The following WNT11 variants were observed in gnomAD, a reference collection of about 807,000 sequenced individuals.
The protein encoded by WNT11 is Wnt family member 11.
WNT11 carries 20 observed loss-of-function variants against 35.6 expected under a neutral mutation model. That is an observed-to-expected ratio of 0.56 (90% CI 0.40 to 0.82). WNT11 has a LOEUF of 0.82. WNT11 is among the 40% of genes least tolerant of loss of function. The pLI, the probability that WNT11 is intolerant of heterozygous loss-of-function variation, is 0.00. For missense variants in WNT11, 459 were observed against 504.4 expected, an observed-to-expected ratio of 0.91 and a Z score of 0.86; for synonymous variants, 200 against 211.9, an observed-to-expected ratio of 0.94 and a Z score of 0.49.
At chr11:76,207,732 C>T (rs921028770), upstream of WNT11, among the ~76,000 whole-genome samples, 4 of 152,070 alleles carry the variant, frequency 2.6e-5, no homozygotes, top group African/African-American at 7.2e-5. Flanking sequence ...GCGGGGCTGG[C>T]GCGGTGTTGC....
intron 1 of WNT11, among the ~76,000 whole-genome samples, chr11:76,197,157 C>G (rs1042081899): frequency 2.6e-5 from 4 of 152,238 alleles, no homozygotes; most frequent in Non-Finnish European, 5.9e-5. Flanking sequence ...CTTATGATCA[C>G]AATAATTATA....
intron 1 of WNT11, among the ~76,000 whole-genome samples, chr11:76,203,994 T>C (rs1953428958): frequency 6.6e-6 from 1 of 152,198 alleles, no homozygotes; most frequent in Non-Finnish European, 1.5e-5. Context: ...TGCCCCAGTC[T>C]CTGTTTCCTC....
intron 1 of WNT11, among the ~76,000 whole-genome samples, chr11:76,205,812 T>C (rs1953463239): frequency 6.6e-6 from 1 of 152,206 alleles, no homozygotes; most frequent in African/African-American, 2.4e-5. Context: ...GAGCCTCTTC[T>C]CATCTGATTT....
chr11:76,195,371 G>A (rs1277401555), intron 2 of WNT11, among the ~76,000 whole-genome samples: 3 of 152,204 alleles, frequency 2.0e-5, no homozygotes, highest in African/African-American at 7.2e-5. Context: ...ATAAGAAAGG[G>A]GAATTTCGGA....
chr11:76,193,772 T>A (rs897640100), intron 3 of WNT11, among the ~76,000 whole-genome samples: 1 of 152,170 alleles, frequency 6.6e-6, no homozygotes, highest in African/African-American at 2.4e-5. Flanking sequence ...GGCTAAAGGG[T>A]GCAGGGAGGA....
rs577154993 is a variant in WNT11, at chr11:76,195,152, C to A, written c.320-308G>T. 8.6e-5 allele frequency: 34 copies of A among 395,816 alleles called. No individual in the cohort carries two copies. In the South Asian group the frequency reaches 2.7e-3, roughly 31 times the overall value. The allele number at this position is 395,816 out of a possible 1,614,324, so 24.5% of individuals were successfully genotyped here. A position where few individuals can be genotyped will look rare whatever the true frequency, so the allele number is the denominator to read the frequency against. On this transcript the variant is annotated intron_variant, in intron 2 of 4. Coordinates refer to ENST00000322563, the MANE Select transcript of WNT11 (RefSeq NM_004626.3). Reference sequence around the variant, plus strand: ...TAGGGGATGCTTTACAGTAGTGAGGCCCAGGCTCTGAGCTCCTGATGCGCC... The same window carrying A: ...TAGGGGATGCTTTACAGTAGTGAGGACCAGGCTCTGAGCTCCTGATGCGCC...
upstream of WNT11, among the ~76,000 whole-genome samples, chr11:76,208,985 G>C (rs1219334723): frequency 7.2e-5 from 11 of 152,226 alleles, no homozygotes; most frequent in Admixed American, 4.6e-4. Context: ...CGGGGCTCGA[G>C]GAGGGGGGAA....
At position 76,191,792 on chromosome 11, in the gene WNT11, C is replaced by T. The variant is rs753904761; in HGVS notation, c.662G>A (p.Arg221His). 3.7e-6 allele frequency: 6 copies of T among 1,611,462 alleles called. No individual in the cohort carries two copies. In the Admixed American group the frequency reaches 6.7e-5, roughly 18 times the overall value. Residue 221 changes from arginine to histidine, a missense_variant, in exon 4 of 5, where the codon CGC becomes CAC. By Grantham distance (29) the Arg-to-His change is conservative (BLOSUM62 0). Coordinates refer to ENST00000322563, the MANE Select transcript of WNT11 (RefSeq NM_004626.3). Reference protein sequence around the residue: ...CHGVSGSCSIRTCWKGLQELQ... With the variant: ...CHGVSGSCSIHTCWKGLQELQ... ...CTCCTGCAGCCCCTTCCAGCAGGTG[C>T]GGATGGAGCAGGAGCCAGACACCCC...
intron 1 of WNT11, among the ~76,000 whole-genome samples, chr11:76,205,762 T>C (rs1295682757): frequency 6.6e-6 from 1 of 152,192 alleles, no homozygotes; most frequent in Non-Finnish European, 1.5e-5. Context: ...GCCCTGCACA[T>C]GTGCACAGTG....
chr11:76,188,185 G>A (rs1953127231), intron 4 of WNT11, among the ~76,000 whole-genome samples: 1 of 152,238 alleles, frequency 6.6e-6, no homozygotes, highest in Non-Finnish European at 1.5e-5. Flanking sequence ...GCCTCCTGTG[G>A]GTCAGGCTCT....
intron 4 of WNT11, among the ~76,000 whole-genome samples, chr11:76,189,955 T>C (rs1533764): frequency 0.94 from 143,410 of 152,134 alleles, 67,848 homozygotes; most frequent in Middle Eastern, 0.99. Context: ...GTGGGGGCTG[T>C]GAAGGAAGCC....
In WNT11 at chr11:76,194,588, G is replaced by C; in HGVS notation, c.576C>G (p.His192Gln). ...GSQANKLMRL[H>Q]NSEVGRQALR... is the part of the protein sequence containing the mutation. ...TTACCTGTCTCCCCACTTCACTGTT[G>C]TGTAGACGCATCAGTTTATTGGCTT... is the stretch of plus-strand genomic sequence containing the variant. The change falls in exon 3 of 5, where the codon CAC (histidine) becomes CAG (glutamine). Residue 192 changes from histidine to glutamine, a missense_variant. Physicochemically the swap from His to Gln is conservative, Grantham distance 24. Coordinates refer to ENST00000322563, the MANE Select transcript of WNT11 (RefSeq NM_004626.3). The surrounding 1 kb of genome is among the most constrained non-coding windows in gnomAD (Gnocchi z 5.4). 6.5e-7 allele frequency: 1 copy of C among 1,550,176 alleles called. No individual in the cohort carries two copies. Among genetic ancestry groups the C allele is most frequent in the South Asian group, 1.2e-5 (1 of 83,996 alleles).
chr11:76,199,818 C>T (rs1222317023), intron 1 of WNT11, among the ~76,000 whole-genome samples: 2 of 152,052 alleles, frequency 1.3e-5, no homozygotes, highest in African/African-American at 4.8e-5. Flanking sequence ...ACAAAAAATT[C>T]ATAGATGAAG....
chr11:76,188,845 C>A lies in WNT11; in HGVS notation c.891-1606G>T, dbSNP rs1953135085. The stretch of plus-strand genomic sequence containing the variant: ...AGGAGTGCTGGGGTAGAGGGAACAG[C>A]CTGGGCAAAGGCAGAAGACGAGGCC... On this transcript the variant is annotated intron_variant, in intron 4 of 4. Coordinates refer to ENST00000322563, the MANE Select transcript of WNT11 (RefSeq NM_004626.3). Among the ~76,000 whole-genome samples the A allele has an allele frequency of 1.3e-5, 2 of 152,180 alleles. 1 individual carries two copies. The highest frequency in any genetic ancestry group is 2.9e-5 in the Non-Finnish European group (2 of 68,038).
chr11:76,186,785 GC>G lies in WNT11; in HGVS notation c.*279del. ...TCTGTATCAGTCTCACCGATCCCAA[GC>G]CCCGCTCCTTACACCAGCCTGTGGG... On this transcript the variant is annotated 3_prime_UTR_variant, in exon 5 of 5. Coordinates refer to ENST00000322563, the MANE Select transcript of WNT11 (RefSeq NM_004626.3). The G allele has an allele frequency of 1.8e-6, 1 of 555,210 alleles. No homozygotes were observed. Among genetic ancestry groups the G allele is most frequent in the East Asian group, 4.2e-5 (1 of 23,656 alleles). The allele number at this position is 555,210 out of a possible 1,614,324, so 34.4% of individuals were successfully genotyped here.
intron 2 of WNT11, chr11:76,195,070 G>A (rs140135001): frequency 2.5e-5 from 14 of 550,388 alleles, no homozygotes; most frequent in Admixed American, 9.6e-5. Flanking sequence ...CCTCACCCAC[G>A]TCCTCCTACT....
upstream of WNT11, among the ~76,000 whole-genome samples, chr11:76,209,822 C>A (rs1591317132): frequency 6.6e-6 from 1 of 150,520 alleles, no homozygotes; most frequent in East Asian, 2.0e-4. Context: ...GCGTGGAGCT[C>A]GTGCGCGAGC....
chr11:76,200,355 G>A (rs1038485627), intron 1 of WNT11, among the ~76,000 whole-genome samples: 1 of 152,316 alleles, frequency 6.6e-6, no homozygotes, highest in East Asian at 1.9e-4. Flanking sequence ...TGGGGAACCT[G>A]TTGCTGAACC....
At chr11:76,187,317 A>ATC in intron 4 of WNT11, 78 bp from the exon 5 acceptor site, 1 of 1,390,336 alleles carries the variant, frequency 7.2e-7, no homozygotes. Flanking sequence ...CCAGCCAGGC[A>ATC]GCCGGCAGCG....
Sources: allele counts gnomAD v4.1 joint callset (sites outside exome capture counted in the v4.1 genomes callset), GRCh38; gene constraint gnomAD v4.1.1; non-coding constraint Gnocchi (gnomAD v3.1); transcripts MANE v1.5; gene names NCBI Gene and HGNC (gene_info 2026-07-23, HGNC 2026-07-21).